PRKCQ: variants seen among roughly 807,000 people sequenced by gnomAD.
The protein encoded by PRKCQ is protein kinase C theta.
In PRKCQ, 41 loss-of-function variants were observed where a neutral mutation model predicts 91.2. The ratio of observed to expected loss-of-function variants is 0.45; its 90% CI spans 0.35 to 0.58. The LOEUF (loss-of-function observed/expected upper bound fraction) is 0.58, where lower values mean the gene tolerates loss of function less well. Ranked by LOEUF, PRKCQ falls within the 20% of genes least tolerant of loss-of-function variation. The probability of loss-of-function intolerance (pLI) is 0.00; values close to 1 mark genes in which losing one functional copy is unlikely to be tolerated. For synonymous variants in PRKCQ, 307 were observed against 316.9 expected (o/e 0.97, Z 0.33); for missense variants, 673 against 896.5 (o/e 0.75, Z 3.18).
chr10:6,552,260 CAT>C (rs1477923876), intron 1 of PRKCQ, among the ~76,000 whole-genome samples: 8 of 152,116 alleles, frequency 5.3e-5, no homozygotes, highest in East Asian at 1.9e-4. Context: ...ACTTTTTATA[CAT>C]GTTTTATATA....
intron 1 of PRKCQ, among the ~76,000 whole-genome samples, chr10:6,561,338 C>G (rs1478579256): frequency 8.2e-6 from 1 of 121,458 alleles, no homozygotes; most frequent in African/African-American, 3.2e-5. Flanking sequence ...TGCTGTACTC[C>G]AGCCTGGACC....
At chr10:6,495,382 C>T (rs532252115) in intron 7 of PRKCQ, among the ~76,000 whole-genome samples, 2 of 152,302 alleles carry the variant, frequency 1.3e-5, no homozygotes, top group South Asian at 2.1e-4. Context: ...TCCTGGAACA[C>T]ATTGGACTCT....
chr10:6,461,426 T>C (rs1041991944), intron 14 of PRKCQ, among the ~76,000 whole-genome samples: 1 of 152,248 alleles, frequency 6.6e-6, no homozygotes, highest in Non-Finnish European at 1.5e-5. Context: ...CTGGTGAGTA[T>C]TTCTCAATTT....
chr10:6,578,004 C>T (rs1284581807), intron 1 of PRKCQ, among the ~76,000 whole-genome samples: 1 of 152,126 alleles, frequency 6.6e-6, no homozygotes, highest in Non-Finnish European at 1.5e-5. Flanking sequence ...TAGTCTTTTC[C>T]ACGGAAGAGA....
In PRKCQ at chr10:6,465,946, G is replaced by A. The variant is rs1021108372; in HGVS notation, c.1354-1542C>T. 5.3e-5 allele frequency among the ~76,000 whole-genome samples: 8 copies of A among 152,110 alleles called. No homozygotes were observed. Among genetic ancestry groups the A allele is most frequent in the African/African-American group, 1.4e-4 (6 of 41,416 alleles). On this transcript the variant is annotated intron_variant, in intron 12 of 17. Transcript: ENST00000263125. This position sits in a 1 kb window ranked among gnomAD's most constrained non-coding sequence, Gnocchi z 4.4. ...AGATTTCAAACCCAATTTGAGAGTC[G>A]TCATTGGCTTTGCCTGCACACACCT...
intron 3 of PRKCQ, among the ~76,000 whole-genome samples, chr10:6,507,996 C>T (rs1424173567): frequency 6.6e-6 from 1 of 152,158 alleles, no homozygotes; most frequent in Non-Finnish European, 1.5e-5. Flanking sequence ...ATGGGGATGG[C>T]TTTTCTCTTT....
intron 15 of PRKCQ, among the ~76,000 whole-genome samples, chr10:6,447,429 A>T (rs997183036): frequency 6.7e-6 from 1 of 149,910 alleles, no homozygotes; most frequent in Non-Finnish European, 1.5e-5. Context: ...AAAAAGTACG[A>T]TATTTCCCTG....
chr10:6,403,584 C>G, the PRKCQ span, among the ~76,000 whole-genome samples: 1 of 152,124 alleles, frequency 6.6e-6, no homozygotes, highest in Non-Finnish European at 1.5e-5. Flanking sequence ...CAAAGCTTCT[C>G]CCCATGCTCA....
At chr10:6,442,754 G>A (rs1317293504) in intron 15 of PRKCQ, among the ~76,000 whole-genome samples, 2 of 152,256 alleles carry the variant, frequency 1.3e-5, no homozygotes, top group Non-Finnish European at 2.9e-5. Context: ...CTGAGGTCGG[G>A]AGTTTGAGAC....
chr10:6,527,048 C>A (rs1839225808), intron 1 of PRKCQ, among the ~76,000 whole-genome samples: 1 of 152,034 alleles, frequency 6.6e-6, no homozygotes, highest in Admixed American at 6.6e-5. Context: ...GGTTTGGGGC[C>A]CCAACCCATG....
intron 1 of PRKCQ, among the ~76,000 whole-genome samples, chr10:6,566,049 A>G (rs781301271): frequency 9.9e-5 from 15 of 152,196 alleles, no homozygotes; most frequent in Non-Finnish European, 1.5e-4. Context: ...TTCCAGAAAC[A>G]TAGCCCACTG....
At chr10:6,553,505 AAAAAAAAAAAAACAAACAAAC>A (rs1564390036) in intron 1 of PRKCQ, among the ~76,000 whole-genome samples, 7 of 134,366 alleles carry the variant, frequency 5.2e-5, no homozygotes, top group African/African-American at 2.0e-4. Context: ...AAAAAAAAAA[AAAAAAAAAAAAACAAACAAAC>A]AAAAGAAGAA....
chr10:6,445,079 G>A (rs184995853), intron 15 of PRKCQ, among the ~76,000 whole-genome samples: 2,390 of 129,980 alleles, frequency 0.018, 33 homozygotes, highest in Admixed American at 0.037. Flanking sequence ...AGCCAAGATC[G>A]CGCCTCTGCA....
rs780846102 is a variant in PRKCQ at position 6,511,054 on chromosome 10, C to T, written c.259G>A (p.Val87Met). 5.6e-6 allele frequency: 9 copies of T among 1,614,028 alleles called. No individual in the cohort carries two copies. Among genetic ancestry groups the T allele is most frequent in the African/African-American group, 1.3e-5 (1 of 74,910 alleles). The change falls in exon 3 of 18, where the codon GTG becomes ATG. Residue 87 changes from valine to methionine, a missense_variant. Val to Met is a conservative substitution (Grantham distance 21). Transcript: ENST00000263125. ...CTCTCAGCCAGCGAGTAGAGCTCCA[C>T]GGTGGTTTCAGAGATGAGGTCCACG... ...KNVDLISETT[V>M]ELYSLAERCR...
At chr10:6,510,420 G>C (rs1350010724) in intron 3 of PRKCQ, among the ~76,000 whole-genome samples, 1 of 152,186 alleles carries the variant, frequency 6.6e-6, no homozygotes, top group African/African-American at 2.4e-5. Context: ...AGAGAGAGAA[G>C]ACCAAACATT....
chr10:6,437,196 T>C (rs1041292427), intron 16 of PRKCQ, among the ~76,000 whole-genome samples: 2 of 152,110 alleles, frequency 1.3e-5, no homozygotes, highest in Non-Finnish European at 2.9e-5. Context: ...AAAATACACA[T>C]GTTGATGCCC....
At chr10:6,402,495 G>A in the PRKCQ span, among the ~76,000 whole-genome samples, 6 of 151,232 alleles carry the variant, frequency 4.0e-5, no homozygotes, top group Non-Finnish European at 8.8e-5. Flanking sequence ...GCCTGACTCC[G>A]CATCTCCCTG....
intron 8 of PRKCQ, among the ~76,000 whole-genome samples, chr10:6,490,889 A>AG (rs200747250): frequency 7.6e-6 from 1 of 131,504 alleles, no homozygotes; most frequent in African/African-American, 2.5e-5. Context: ...TCAGTTCTTG[A>AG]GGGTTTTTTT....
At position 6,456,818 on chromosome 10, in the gene PRKCQ, A is replaced by C; in HGVS notation, c.1509-6T>G. On this transcript the variant is annotated splice_polypyrimidine_tract_variant and splice_region_variant and intron_variant, in intron 14 of 17. Coordinates refer to ENST00000263125, the MANE Select transcript of PRKCQ (RefSeq NM_006257.5). ...TGTTATCTAGCTTCAGGTCCCTGAA[A>C]AACAAAAGTGAAGCAAATCTCACAT... 1 of 1,613,574 alleles carries C rather than the reference A, an allele frequency of 6.2e-7. No individual in the cohort carries two copies. The highest frequency in any genetic ancestry group is 8.5e-7 in the Non-Finnish European group (1 of 1,179,792).
Sources: allele counts gnomAD v4.1 joint callset (sites outside exome capture counted in the v4.1 genomes callset), GRCh38; gene constraint gnomAD v4.1.1; non-coding constraint Gnocchi (gnomAD v3.1); transcripts MANE v1.5; gene names NCBI Gene and HGNC (gene_info 2026-07-23, HGNC 2026-07-21).